Variants in TMEM184B observed in about 807,000 individuals in gnomAD.
The protein encoded by TMEM184B is putative MAPK-activating protein FM08.
In TMEM184B, 17 loss-of-function variants were observed where a neutral mutation model predicts 41.8. That is an observed-to-expected ratio of 0.41 (90% CI 0.28 to 0.61). The LOEUF (loss-of-function observed/expected upper bound fraction) is 0.61, where lower values mean the gene tolerates loss of function less well. TMEM184B is among the 20% of genes least tolerant of loss of function. The pLI, the probability that TMEM184B is intolerant of heterozygous loss-of-function variation, is 0.34. For missense variants in TMEM184B, 393 were observed against 557.8 expected, an observed-to-expected ratio of 0.70 and a Z score of 2.98; for synonymous variants, 240 against 229.5, an observed-to-expected ratio of 1.05 and a Z score of -0.41.
chr22:38,222,484 G>A (rs1352926317), intron 8 of TMEM184B: 3 of 501,924 alleles, frequency 6.0e-6, no homozygotes, highest in Non-Finnish European at 7.7e-6. Context: ...AAGCTCTACA[G>A]AGGGTGGCCC....
At chr22:38,263,569 T>C (rs1309041028) in intron 1 of TMEM184B, among the ~76,000 whole-genome samples, 1 of 152,208 alleles carries the variant, frequency 6.6e-6, no homozygotes, top group Non-Finnish European at 1.5e-5. Flanking sequence ...AATGAACATT[T>C]AAGCTGCCTC....
chr22:38,231,381 G>A (rs755080541), intron 3 of TMEM184B, 47 bp from the exon 4 acceptor site: 1 of 1,459,332 alleles, frequency 6.9e-7, no homozygotes. Flanking sequence ...AGCAGAATGG[G>A]TCCGCAGATG....
chr22:38,265,757 T>G (rs1486414446), intron 1 of TMEM184B, among the ~76,000 whole-genome samples: 2 of 152,226 alleles, frequency 1.3e-5, no homozygotes, highest in African/African-American at 4.8e-5. Flanking sequence ...GCACCCAAAC[T>G]GACTGCTGAT....
Position 38,248,147 on chromosome 22 carries a change from G to A in TMEM184B, c.-58-128C>T, listed in dbSNP as rs868591230. 57 of 1,281,496 alleles carry A rather than the reference G, an allele frequency of 4.4e-5. No homozygotes were observed. In the African/African-American group the frequency reaches 5.4e-4, roughly 12 times the overall value. The allele number at this position is 1,281,496 out of a possible 1,614,324, so 79.4% of individuals were successfully genotyped here. A position where few individuals can be genotyped will look rare whatever the true frequency, so the allele number is the denominator to read the frequency against. On this transcript the variant is annotated intron_variant, in intron 1 of 8. Coordinates refer to ENST00000361906, the MANE Select transcript of TMEM184B (RefSeq NM_012264.5). ...TGACCCCAACCATCACCCTGTCCCA[G>A]CCAGCCTCTCCCCTGGATTGATGCA... is the stretch of plus-strand genomic sequence containing the variant.
rs2092537554 is a variant in TMEM184B, at chr22:38,272,363, A to T, written c.-59+521T>A. On this transcript the variant is annotated intron_variant, in intron 1 of 8. Coordinates refer to ENST00000361906, the MANE Select transcript of TMEM184B (RefSeq NM_012264.5). ...TCTTTCGAGCCCCAGGTCCCAGTCG[A>T]TCCCCTTCCAAACCTGCGGACCTGT... 5 of 618,736 alleles carry T rather than the reference A, an allele frequency of 8.1e-6. No individual in the cohort carries two copies. In the South Asian group the frequency reaches 2.8e-4, roughly 35 times the overall value. The allele number at this position is 618,736 out of a possible 1,614,324, so 38.3% of individuals were successfully genotyped here. A position where few individuals can be genotyped will look rare whatever the true frequency, so the allele number is the denominator to read the frequency against.
intron 1 of TMEM184B, among the ~76,000 whole-genome samples, chr22:38,254,927 C>T (rs922282995): frequency 6.6e-6 from 1 of 151,232 alleles, no homozygotes; most frequent in African/African-American, 2.4e-5. Context: ...TCTTGGCTCA[C>T]TGCAACCTCT....
Position 38,255,362 on chromosome 22 carries a change from C to T in TMEM184B, c.-58-7343G>A, listed in dbSNP as rs868523259. Reference sequence around the variant, plus strand: ...ATTTTTTTTGTATTTTTAGTAGTGACGGGGTTTCACCATATTGGCCAGGCT... The same window carrying T: ...ATTTTTTTTGTATTTTTAGTAGTGATGGGGTTTCACCATATTGGCCAGGCT... On this transcript the variant is annotated intron_variant, in intron 1 of 8. Transcript: ENST00000361906. Among the ~76,000 whole-genome samples, 13 of 152,070 alleles carry T rather than the reference C, an allele frequency of 8.5e-5. 1 individual carries two copies. In the South Asian group the frequency reaches 1.7e-3, roughly 19 times the overall value.
Position 38,221,239 on chromosome 22 carries a change from C to A in TMEM184B, c.*230G>T, listed in dbSNP as rs2091250676. On this transcript the variant is annotated 3_prime_UTR_variant, in exon 9 of 9. Coordinates refer to ENST00000361906, the MANE Select transcript of TMEM184B (RefSeq NM_012264.5). ...AAGCCTTGCTCCCAGTGTCCTCTGC[C>A]CTCGCCCGGGCAGTGCAGGCTGGGC... The A allele has an allele frequency of 7.2e-7, 1 of 1,396,130 alleles. No homozygotes were observed. Among genetic ancestry groups the A allele is most frequent in the African/African-American group, 1.5e-5 (1 of 68,774 alleles). 86.5% of individuals were successfully genotyped at this position (1,396,130 alleles called of 1,614,324 possible). A position where few individuals can be genotyped will look rare whatever the true frequency, so the allele number is the denominator to read the frequency against.
At chr22:38,224,193 C>T (rs1402727779) in intron 8 of TMEM184B, 3 of 152,208 alleles carry the variant, frequency 2.0e-5, no homozygotes, top group African/African-American at 7.2e-5. Context: ...TCGCTCACTG[C>T]AAGCTCCGCC....
chr22:38,230,532 CGGGGGGTGGGTGCTG>C, intron 5 of TMEM184B, 122 bp downstream of exon 5: 1 of 792,356 alleles, frequency 1.3e-6, no homozygotes, highest in Non-Finnish European at 2.1e-6. Flanking sequence ...CTAACAGCTT[CGGGGGGTGGGTGCTG>C]GGGGCCTGGG....
At chr22:38,222,745 C>G (rs1021565199) in intron 8 of TMEM184B, 2 of 980,430 alleles carry the variant, frequency 2.0e-6, no homozygotes, top group East Asian at 1.1e-4. Flanking sequence ...CAAGAGACAG[C>G]TGAGTGAACA....
intron 3 of TMEM184B, among the ~76,000 whole-genome samples, chr22:38,234,150 G>C (rs565408058): frequency 6.6e-6 from 1 of 152,172 alleles, no homozygotes; most frequent in Non-Finnish European, 1.5e-5. Context: ...CCCTCCCTTT[G>C]TATCTGGTGG....
rs1329102232 is a variant in TMEM184B, at chr22:38,248,471, C to T, written c.-58-452G>A. Among the ~76,000 whole-genome samples the T allele has an allele frequency of 2.6e-5, 4 of 152,234 alleles. No individual in the cohort carries two copies. In the East Asian group the frequency reaches 7.7e-4, roughly 29 times the overall value. On this transcript the variant is annotated intron_variant, in intron 1 of 8. Coordinates refer to ENST00000361906, the MANE Select transcript of TMEM184B (RefSeq NM_012264.5). ...GCCTGCTTCTGCCACAGGGCCTTTG[C>T]ACTGGCTGTCTCTGCTCAGTCAAAT...
At chr22:38,224,269 C>T (rs2091356024) in intron 8 of TMEM184B, among the ~76,000 whole-genome samples, 1 of 152,176 alleles carries the variant, frequency 6.6e-6, no homozygotes, top group Non-Finnish European at 1.5e-5. Flanking sequence ...CACCCGCCAC[C>T]ACGCCCGGCT....
intron 1 of TMEM184B, among the ~76,000 whole-genome samples, chr22:38,263,842 T>C (rs936081830): frequency 1.3e-5 from 2 of 152,250 alleles, no homozygotes; most frequent in Non-Finnish European, 2.9e-5. Flanking sequence ...TCTCGCTCTG[T>C]CTCCCAGGCT....
chr22:38,248,019 C>T lies in TMEM184B; in HGVS notation c.-58G>A. 1 of 1,494,244 alleles carries T rather than the reference C, an allele frequency of 6.7e-7. No homozygotes were observed. The highest frequency in any genetic ancestry group is 8.9e-7 in the Non-Finnish European group (1 of 1,124,438). 92.6% of individuals were successfully genotyped at this position (1,494,244 alleles called of 1,614,324 possible). ...ACCTTTGCAGAAAGTGACAAGCTAG[C>T]CTAGAGAGAAGAAATTGCAATGTGA... On this transcript the variant is annotated splice_region_variant and 5_prime_UTR_variant, in exon 2 of 9. Coordinates refer to ENST00000361906, the MANE Select transcript of TMEM184B (RefSeq NM_012264.5).
At chr22:38,237,968 T>C (rs2091818400) in intron 3 of TMEM184B, among the ~76,000 whole-genome samples, 1 of 151,064 alleles carries the variant, frequency 6.6e-6, no homozygotes, top group African/African-American at 2.4e-5. Context: ...GCCTGGCTAA[T>C]TTTGTATTTT....
In TMEM184B at chr22:38,263,644, G is replaced by A. The variant is rs201293126; in HGVS notation, c.-59+9240C>T. ...CTTGCAAATAAATCATTTTGCACAC[G>A]TGTTAACCCATCCGTAGAATAAATT... On this transcript the variant is annotated intron_variant, in intron 1 of 8. Coordinates refer to ENST00000361906, the MANE Select transcript of TMEM184B (RefSeq NM_012264.5). Among the ~76,000 whole-genome samples the A allele has an allele frequency of 3.3e-5, 5 of 152,260 alleles. No homozygotes were observed. In the East Asian group the frequency reaches 5.8e-4, roughly 18 times the overall value.
At chr22:38,264,075 G>C (rs1165484522) in intron 1 of TMEM184B, among the ~76,000 whole-genome samples, 1 of 152,222 alleles carries the variant, frequency 6.6e-6, no homozygotes, top group African/African-American at 2.4e-5. Flanking sequence ...AAAGTGCTGG[G>C]ATTACAGGCG....
Sources: gnomAD v4.1 joint callset for allele counts (sites outside exome capture counted in the v4.1 genomes callset) on GRCh38, gnomAD v4.1.1 for gene constraint, MANE v1.5 for transcripts, NCBI Gene and HGNC (gene_info 2026-07-23, HGNC 2026-07-21) for gene names.